The following MBP variants were observed in gnomAD, a reference collection of about 807,000 sequenced individuals.
MBP encodes myelin basic protein, also known as Golli-MBP.
In MBP, 16 loss-of-function variants were observed where a neutral mutation model predicts 35.8. The ratio of observed to expected loss-of-function variants is 0.45; its 90% CI spans 0.30 to 0.68. MBP has a LOEUF of 0.68. Ranked by LOEUF, MBP falls within the 30% of genes least tolerant of loss-of-function variation. The pLI is 0.08. For synonymous variants in MBP, 143 were observed against 159.6 expected, an observed-to-expected ratio of 0.90 and a Z score of 0.78; for missense variants, 380 against 404.7, an observed-to-expected ratio of 0.94 and a Z score of 0.52.
chr18:77,020,846 G>C lies in MBP; in HGVS notation c.140-3578C>G, dbSNP rs1971959928. Among the ~76,000 whole-genome samples, 1 of 152,206 alleles carries C rather than the reference G, an allele frequency of 6.6e-6. No individual in the cohort carries two copies. The highest frequency in any genetic ancestry group is 2.1e-4 in the South Asian group (1 of 4,830). ...ACACCCCGGGACCTAGCTCACCACA[G>C]GCCTGCCTAAGAGTGGACGGCTCCA... On this transcript the variant is annotated intron_variant, in intron 3 of 8. Transcript: ENST00000355994. This position sits in a 1 kb window ranked among gnomAD's most constrained non-coding sequence, Gnocchi z 4.1.
chr18:77,126,366 C>T (rs1289217471), intron 1 of MBP, among the ~76,000 whole-genome samples: 1 of 152,082 alleles, frequency 6.6e-6, no homozygotes, highest in Admixed American at 6.5e-5. Context: ...TGACAAAATA[C>T]AACACACATT....
rs545288282 is a variant in MBP, at chr18:77,103,134, G to A, written c.51+2077C>T. Among the ~76,000 whole-genome samples the A allele has an allele frequency of 1.6e-4, 25 of 152,184 alleles. 1 individual carries two copies. In the South Asian group the frequency reaches 5.0e-3, roughly 30 times the overall value. ...AGGAACAGTATATAGTCACCTACTCGCCTTCCATGGATGATTTGAAAGCAA... is the reference window on the plus strand; with the variant it reads ...AGGAACAGTATATAGTCACCTACTCACCTTCCATGGATGATTTGAAAGCAA... On this transcript the variant is annotated intron_variant, in intron 2 of 8. Transcript: ENST00000355994.
In MBP at chr18:76,979,993, AGTCCTCTCTGCCGCCCAC is replaced by A. The variant is rs1464744850; in HGVS notation, c.*416_*433del. 2.8e-6 allele frequency: 2 copies of A among 702,512 alleles called. No individual in the cohort carries two copies. Among genetic ancestry groups the A allele is most frequent in the African/African-American group, 1.7e-5 (1 of 57,268 alleles). 43.5% of individuals were successfully genotyped at this position (702,512 alleles called of 1,614,324 possible). A position where few individuals can be genotyped will look rare whatever the true frequency, so the allele number is the denominator to read the frequency against. The stretch of plus-strand genomic sequence containing the variant: ...AAACAAAGGAAGCTTGGATGTCAAC[AGTCCTCTCTGCCGCCCAC>A]GTCCTCTCTGTCTCTGCAGCTGTGT... On this transcript the variant is annotated 3_prime_UTR_variant, in exon 9 of 9. Coordinates refer to ENST00000355994, the MANE Select transcript of MBP (RefSeq NM_001025101.2).
At position 77,131,085 on chromosome 18, in the gene MBP, G is replaced by GCA. The variant is rs1156767144; in HGVS notation, c.-26+1493_-26+1494dup. On this transcript the variant is annotated intron_variant, in intron 1 of 8. Transcript: ENST00000355994. The surrounding 1 kb of genome is among the most constrained non-coding windows in gnomAD (Gnocchi z 5.5). ...AACACACACACGCGCGCACGCACGC[G>GCA]CACACACACACACACACACACACAC... 1.9e-3 allele frequency among the ~76,000 whole-genome samples: 100 copies of GCA among 53,370 alleles called. No individual in the cohort carries two copies. Among genetic ancestry groups the GCA allele is most frequent in the African/African-American group, 3.8e-3 (71 of 18,830 alleles). 35.0% of individuals were successfully genotyped at this position (53,370 alleles called of 152,430 possible).
intron 1 of MBP, among the ~76,000 whole-genome samples, chr18:77,120,310 A>G (rs1044478111): frequency 2.0e-5 from 3 of 152,228 alleles, no homozygotes; most frequent in African/African-American, 4.8e-5. Flanking sequence ...CGGCACGGCC[A>G]GGTGACCTCA....
rs1972411433 is a variant in MBP, at chr18:77,029,042, T to G, written c.140-11774A>C. Among the ~76,000 whole-genome samples the G allele has an allele frequency of 1.9e-5, 2 of 105,866 alleles. 1 individual carries two copies. Among genetic ancestry groups the G allele is most frequent in the Non-Finnish European group, 4.8e-5 (2 of 41,480 alleles). The allele number at this position is 105,866 out of a possible 152,430, so 69.5% of individuals were successfully genotyped here. A position where few individuals can be genotyped will look rare whatever the true frequency, so the allele number is the denominator to read the frequency against. On this transcript the variant is annotated intron_variant, in intron 3 of 8. Transcript: ENST00000355994. ...GGCAGAGGCTGCAATCTCGGCACTT[T>G]GGGAGGCCAAGGCAGGCGGCTGGGA...
At chr18:77,109,936 AGTTT>A (rs1439808481) in intron 1 of MBP, 1 of 152,002 alleles carries the variant, frequency 6.6e-6, no homozygotes, top group Non-Finnish European at 1.5e-5. Flanking sequence ...TTGATTGCAC[AGTTT>A]TTTTTTGAGT....
chr18:76,985,909 C>A, intron 7 of MBP: 4 of 986,612 alleles, frequency 4.1e-6, no homozygotes, highest in Non-Finnish European at 4.8e-6. Context: ...CCAGCAGCCC[C>A]TCTGGCTTCC....
Position 77,105,285 on chromosome 18 carries a change from G to A in MBP, c.-24C>T, listed in dbSNP as rs749885423. 5.6e-5 allele frequency: 90 copies of A among 1,600,276 alleles called. No homozygotes were observed. The highest frequency in any genetic ancestry group is 7.3e-5 in the Non-Finnish European group (85 of 1,168,270). ...ATCCTGAATGGATTGGCTCTTCAGA[G>A]GCTAAAAGAGAAAGAGAAAGTGTCA... On this transcript the variant is annotated splice_region_variant and 5_prime_UTR_variant, in exon 2 of 9. Coordinates refer to ENST00000355994, the MANE Select transcript of MBP (RefSeq NM_001025101.2).
chr18:77,132,917 C>T (rs980453497), upstream of MBP: 7 of 152,032 alleles, frequency 4.6e-5, no homozygotes, highest in African/African-American at 1.7e-4. Context: ...CGGCGCCGCC[C>T]CGGGAGCTCG....
chr18:77,082,215 A>G (rs1460237567), intron 2 of MBP, among the ~76,000 whole-genome samples: 1 of 152,200 alleles, frequency 6.6e-6, no homozygotes, highest in Non-Finnish European at 1.5e-5. Flanking sequence ...CAACTAGTCA[A>G]TGAATAAATA....
chr18:76,993,559 A>G (rs1970086389), intron 4 of MBP, among the ~76,000 whole-genome samples: 1 of 151,922 alleles, frequency 6.6e-6, no homozygotes, highest in African/African-American at 2.4e-5. Context: ...CCAAAAAAAA[A>G]AAAAAAAAAC....
chr18:77,107,883 ATATT>A (rs1321420064), intron 1 of MBP, among the ~76,000 whole-genome samples: 1 of 152,208 alleles, frequency 6.6e-6, no homozygotes, highest in African/African-American at 2.4e-5. Context: ...AATATAAAGA[ATATT>A]TATATGAATC....
intron 7 of MBP, chr18:76,987,926 A>G (rs1474294204): frequency 1.8e-6 from 2 of 1,119,914 alleles, no homozygotes; most frequent in Non-Finnish European, 2.2e-6. Context: ...AAAATTCCTA[A>G]GGAAGATTTT....
chr18:77,008,608 T>C (rs1971137752), intron 4 of MBP, among the ~76,000 whole-genome samples: 1 of 152,126 alleles, frequency 6.6e-6, no homozygotes, highest in Non-Finnish European at 1.5e-5. Context: ...ACGACCACCT[T>C]GGGGCTCTCA....
intron 8 of MBP, 57 bp from the exon 9 acceptor site, chr18:76,980,528 G>A (rs1656280352): frequency 7.3e-7 from 1 of 1,360,810 alleles, no homozygotes; most frequent in African/African-American, 1.4e-5. Flanking sequence ...TCCCACACCA[G>A]CATCCCCTCT....
chr18:77,120,725 C>T (rs561093277), intron 1 of MBP, among the ~76,000 whole-genome samples: 1 of 152,120 alleles, frequency 6.6e-6, no homozygotes, highest in Admixed American at 6.6e-5. Context: ...CGTTACCGAC[C>T]TTTGGAGCTG....
At chr18:77,001,055 T>C (rs915615807) in intron 4 of MBP, among the ~76,000 whole-genome samples, 1 of 152,246 alleles carries the variant, frequency 6.6e-6, no homozygotes, top group African/African-American at 2.4e-5. Context: ...GAATCAACGA[T>C]CATAAGGTCA....
chr18:77,027,384 C>T (rs909161320), intron 3 of MBP, among the ~76,000 whole-genome samples: 18 of 152,160 alleles, frequency 1.2e-4, no homozygotes, highest in African/African-American at 7.2e-5. Flanking sequence ...CACGCCTGCC[C>T]GCACACGCCT....
Sources: gnomAD v4.1 joint callset for allele counts (sites outside exome capture counted in the v4.1 genomes callset) on GRCh38, gnomAD v4.1.1 for gene constraint, Gnocchi (gnomAD v3.1) non-coding constraint, MANE v1.5 for transcripts, NCBI Gene and HGNC (gene_info 2026-07-23, HGNC 2026-07-21) for gene names.